Variants in FSD1L observed in about 807,000 individuals in gnomAD.
FSD1L encodes fibronectin type III and SPRY domain containing 1 like.
Under a neutral mutation model 71.6 loss-of-function variants are expected in FSD1L, and 45 were observed. The observed-to-expected ratio is 0.63, with a 90% CI of 0.49 to 0.81. The LOEUF is 0.81. Among genes scored for constraint, FSD1L ranks in the 30% least tolerant of loss-of-function variants. The probability of loss-of-function intolerance (pLI) is 0.00; values close to 1 mark genes in which losing one functional copy is unlikely to be tolerated. For synonymous variants in FSD1L, 197 were observed against 207.2 expected (o/e 0.95, Z 0.42); for missense variants, 561 against 618.1 (o/e 0.91, Z 0.98).
chr9:105,525,193 C>T (rs1835431604), intron 10 of FSD1L: 1 of 1,599,396 alleles, frequency 6.3e-7, no homozygotes, highest in Non-Finnish European at 8.5e-7. Context: ...CTAATGAATG[C>T]TTAGAAGATA....
intron 10 of FSD1L, chr9:105,521,954 C>A (rs1170729235): frequency 8.7e-6 from 14 of 1,612,698 alleles, no homozygotes; most frequent in Non-Finnish European, 1.7e-6. Context: ...TTTATCGGTA[C>A]ATGGTTGTAC....
intron 1 of FSD1L, among the ~76,000 whole-genome samples, chr9:105,456,927 A>G (rs1564077028): frequency 6.6e-6 from 1 of 152,288 alleles, no homozygotes; most frequent in South Asian, 2.1e-4. Flanking sequence ...ATCTCTGTTT[A>G]TCTATTTATC....
chr9:105,535,553 T>G (rs933717312), intron 12 of FSD1L, among the ~76,000 whole-genome samples: 2 of 152,198 alleles, frequency 1.3e-5, no homozygotes, highest in Non-Finnish European at 2.9e-5. Flanking sequence ...TGAAAGATTT[T>G]GCTAATTTTA....
intron 10 of FSD1L, among the ~76,000 whole-genome samples, chr9:105,533,302 A>G (rs1836016565): frequency 6.6e-6 from 1 of 151,740 alleles, no homozygotes; most frequent in South Asian, 2.1e-4. Context: ...TCCATATATC[A>G]TATAATTTGA....
the FSD1L span, among the ~76,000 whole-genome samples, chr9:105,442,451 G>A: frequency 6.6e-6 from 1 of 152,020 alleles, no homozygotes; most frequent in Admixed American, 6.5e-5. Flanking sequence ...GGCCAAGGTG[G>A]GCAGATTGCT....
In FSD1L at chr9:105,546,521, G is replaced by T; in HGVS notation, c.*38G>T. 1.3e-6 allele frequency: 2 copies of T among 1,491,482 alleles called. No homozygotes were observed. Among genetic ancestry groups the T allele is most frequent in the South Asian group, 1.4e-5 (1 of 73,266 alleles). The allele number at this position is 1,491,482 out of a possible 1,614,324, so 92.4% of individuals were successfully genotyped here. The stretch of plus-strand genomic sequence containing the variant: ...ATACGTTTACCCTCCGTCTTGATTA[G>T]GTGGCCTTTTCTGTGCAGTTACTAA... On this transcript the variant is annotated 3_prime_UTR_variant, in exon 14 of 14. Coordinates refer to ENST00000481272, the MANE Select transcript of FSD1L (RefSeq NM_001145313.3).
intron 6 of FSD1L, among the ~76,000 whole-genome samples, chr9:105,479,764 A>G (rs1009341532): frequency 6.6e-6 from 1 of 152,168 alleles, no homozygotes; most frequent in East Asian, 1.9e-4. Context: ...GAACTCACTC[A>G]TTTTAAGTAG....
At chr9:105,522,150 C>A in intron 10 of FSD1L, 1 of 1,613,982 alleles carries the variant, frequency 6.2e-7, no homozygotes, top group African/African-American at 1.3e-5. Flanking sequence ...CAAAGCAAAC[C>A]TAAATGTGTA....
At chr9:105,539,450 TTTTG>T (rs2131512489) in intron 13 of FSD1L, 99 bp downstream of exon 13, 1 of 457,054 alleles carries the variant, frequency 2.2e-6, no homozygotes, top group East Asian at 3.6e-5. Flanking sequence ...AAGGAGAATA[TTTTG>T]TTTTTTCTTC....
At chr9:105,496,067 A>G (rs977496648) in intron 7 of FSD1L, among the ~76,000 whole-genome samples, 1 of 151,018 alleles carries the variant, frequency 6.6e-6, no homozygotes, top group African/African-American at 2.4e-5. Context: ...CCCCTTGACG[A>G]TGTCTTTTAC....
chr9:105,442,943 C>T (rs1465655824), upstream of FSD1L, among the ~76,000 whole-genome samples: 1 of 152,226 alleles, frequency 6.6e-6, no homozygotes, highest in African/African-American at 2.4e-5. Context: ...AACAAGTTAG[C>T]TTCATCTTCC....
rs1836253276 is a variant in FSD1L, at chr9:105,536,193, A to G, written c.1378+875A>G. On this transcript the variant is annotated intron_variant, in intron 12 of 13. Coordinates refer to ENST00000481272, the MANE Select transcript of FSD1L (RefSeq NM_001145313.3). Reference sequence around the variant, plus strand: ...AAAGCAGCCTGTTTCATTGTTGGACAGCTCTTGGTTAGAAGATTTTTCTTA... The same window carrying G: ...AAAGCAGCCTGTTTCATTGTTGGACGGCTCTTGGTTAGAAGATTTTTCTTA... 2.0e-5 allele frequency among the ~76,000 whole-genome samples: 3 copies of G among 152,216 alleles called. No individual in the cohort carries two copies. In the South Asian group the frequency reaches 6.2e-4, roughly 32 times the overall value.
rs1011138894 is a variant in FSD1L at position 105,524,869 on chromosome 9, A to C, written c.1026-9624A>C. 4 of 1,573,512 alleles carry C rather than the reference A, an allele frequency of 2.5e-6. No individual in the cohort carries two copies. In the African/African-American group the frequency reaches 5.4e-5, roughly 21 times the overall value. ...AGTCAGGTGTGTGAAAATCACGACA[A>C]TCATTACAGTGAAAGTACTGAACTT... On this transcript the variant is annotated intron_variant, in intron 10 of 13. Transcript: ENST00000481272.
At chr9:105,533,416 C>CTATTTTTTTTTTTTTTTTT (rs1836033198) in intron 10 of FSD1L, among the ~76,000 whole-genome samples, 2 of 29,070 alleles carry the variant, frequency 6.9e-5, no homozygotes, top group African/African-American at 1.3e-4. Context: ...CCATTTCCAT[C>CTATTTTTTTTTTTTTTTTT]TTTTTTTTTT....
chr9:105,509,020 C>T (rs1384197621), intron 9 of FSD1L, among the ~76,000 whole-genome samples: 6 of 152,128 alleles, frequency 3.9e-5, no homozygotes, highest in Admixed American at 6.5e-5. Flanking sequence ...CTGAGATTTG[C>T]CCAGAGTTTT....
chr9:105,538,349 A>G (rs1028582027), intron 12 of FSD1L, among the ~76,000 whole-genome samples: 2 of 152,224 alleles, frequency 1.3e-5, no homozygotes, highest in African/African-American at 4.8e-5. Flanking sequence ...GTGCATAAAT[A>G]TTAGTTTATT....
rs1837278780 is a variant in FSD1L, at chr9:105,551,890, A to G, written c.*5407A>G. 6.6e-6 allele frequency: 1 copy of G among 152,208 alleles called. No homozygotes were observed. The highest frequency in any genetic ancestry group is 2.4e-5 in the African/African-American group (1 of 41,476). 9.4% of individuals were successfully genotyped at this position (152,208 alleles called of 1,614,324 possible). ...TGGTCTAAACAGTTCTTTCCAAACA[A>G]CCAAATGGCTGGGCAGCTTGTTGTC... On this transcript the variant is annotated 3_prime_UTR_variant, in exon 14 of 14. Transcript: ENST00000481272.
In FSD1L at chr9:105,535,301, T is replaced by C; in HGVS notation, c.1361T>C (p.Phe454Ser). 11 of 1,551,506 alleles carry C rather than the reference T, an allele frequency of 7.1e-6. No individual in the cohort carries two copies. The highest frequency in any genetic ancestry group is 9.6e-6 in the Non-Finnish European group (11 of 1,146,898). Residue 454 changes from phenylalanine (F) to serine (S), a missense_variant, in exon 12 of 14, where the codon TTT becomes TCT. Coordinates refer to ENST00000481272, the MANE Select transcript of FSD1L (RefSeq NM_001145313.3). ...DVTVPEKIGV[F>S]CDFDGGQLSF... ...ACTGTTCCTGAAAAAATAGGTGTATTTTGTGATTTTGATGGGGGTAAGTTT... is the reference window on the plus strand; with the variant it reads ...ACTGTTCCTGAAAAAATAGGTGTATCTTGTGATTTTGATGGGGGTAAGTTT...
intron 10 of FSD1L, among the ~76,000 whole-genome samples, chr9:105,515,126 T>C (rs1345145274): frequency 6.6e-6 from 1 of 152,158 alleles, no homozygotes; most frequent in African/African-American, 2.4e-5. Context: ...GCACTAGCTG[T>C]GCACCAAGTC....
Sources: allele counts gnomAD v4.1 joint callset (sites outside exome capture counted in the v4.1 genomes callset), GRCh38; gene constraint gnomAD v4.1.1; transcripts MANE v1.5; gene names NCBI Gene and HGNC (gene_info 2026-07-23, HGNC 2026-07-21).